Variants in SULT1C4 observed in about 807,000 individuals in gnomAD.
SULT1C4 encodes sulfotransferase family 1C member 4.
In SULT1C4, 32 loss-of-function variants were observed where a neutral mutation model predicts 34.8. The ratio of observed to expected loss-of-function variants is 0.92; its 90% CI spans 0.69 to 1.23. The LOEUF is 1.23. Ranked by LOEUF, SULT1C4 falls within the 50% of genes most tolerant of loss-of-function variation. The pLI is 0.00. For missense variants in SULT1C4, 375 were observed against 365.9 expected (o/e 1.02, Z -0.20); for synonymous variants, 111 against 120.5 (o/e 0.92, Z 0.51).
chr2:108,386,228 A>T lies in SULT1C4; in HGVS notation c.652A>T (p.Ile218Phe), dbSNP rs1558702942. The T allele has an allele frequency of 5.2e-6, 8 of 1,542,518 alleles. No homozygotes were observed. The highest frequency in any genetic ancestry group is 5.3e-6 in the Non-Finnish European group (6 of 1,142,470). ...KHEIQKLAEF[I>F]GKKLDDKVLD... ...TGAAATTCAGAAGCTGGCAGAATTT[A>T]TTGGGAAGAAATTAGATGACAAAGT... Residue 218 changes from isoleucine (I) to phenylalanine (F), a missense_variant, in exon 6 of 7, where the codon ATT (isoleucine) becomes TTT (phenylalanine). Physicochemically the swap from Ile to Phe is conservative, Grantham distance 21. Coordinates refer to ENST00000272452, the MANE Select transcript of SULT1C4 (RefSeq NM_006588.4).
chr2:108,383,395 GT>G lies in SULT1C4; in HGVS notation c.521-17del, dbSNP rs1282223506. ...TAGGACCTCTGTGACTCATTGTCCTGTTTTCCATCCCATCCTCCAGTGTGCT... is the reference window on the plus strand; with the variant it reads ...TAGGACCTCTGTGACTCATTGTCCTGTTTCCATCCCATCCTCCAGTGTGCT... On this transcript the variant is annotated intron_variant, in intron 4 of 6. Transcript: ENST00000272452. 6.2e-7 allele frequency: 1 copy of G among 1,612,258 alleles called. No homozygotes were observed. Among genetic ancestry groups the G allele is most frequent in the African/African-American group, 1.3e-5 (1 of 74,896 alleles).
chr2:108,383,120 G>A lies in SULT1C4; in HGVS notation c.421G>A (p.Asp141Asn). The A allele has an allele frequency of 1.2e-6, 2 of 1,607,272 alleles. No homozygotes were observed. Among genetic ancestry groups the A allele is most frequent in the Non-Finnish European group, 1.7e-6 (2 of 1,177,244 alleles). ...KIIYVARNPK[D>N]NMVSYYHFQR... ...AATCTATGTAGCAAGAAATCCCAAG[G>A]ACAACATGGTGTCCTATTACCATTT... The change falls in exon 4 of 7, where the codon GAC (aspartate) becomes AAC (asparagine). Residue 141 changes from aspartate (D) to asparagine (N), a missense_variant. Asp to Asn is a conservative substitution (Grantham distance 23). Coordinates refer to ENST00000272452, the MANE Select transcript of SULT1C4 (RefSeq NM_006588.4).
At chr2:108,380,583 A>C (rs1678359945) in intron 1 of SULT1C4, among the ~76,000 whole-genome samples, 1 of 152,214 alleles carries the variant, frequency 6.6e-6, no homozygotes, top group Non-Finnish European at 1.5e-5. Context: ...ATTTTGCCAG[A>C]ACATCTGGTG....
chr2:108,387,313 A>G lies in SULT1C4; in HGVS notation c.797-7A>G, dbSNP rs1312825391. 3 of 1,607,828 alleles carry G rather than the reference A, an allele frequency of 1.9e-6. No individual in the cohort carries two copies. Among genetic ancestry groups the G allele is most frequent in the East Asian group, 4.5e-5 (2 of 44,794 alleles). On this transcript the variant is annotated splice_polypyrimidine_tract_variant and splice_region_variant and intron_variant, in intron 6 of 6. Coordinates refer to ENST00000272452, the MANE Select transcript of SULT1C4 (RefSeq NM_006588.4). ...TACTGAACCTCTCCCACATAACTGTATTTCAGGGGCAGTGGGAGACTGGAA... is the reference window on the plus strand; with the variant it reads ...TACTGAACCTCTCCCACATAACTGTGTTTCAGGGGCAGTGGGAGACTGGAA...
Position 108,382,902 on chromosome 2 carries a change from CAAAAAAAAAAAAAAAAA to C in SULT1C4, c.394-178_394-162del, listed in dbSNP as rs60764322. The C allele has an allele frequency of 6.4e-5, 5 of 77,648 alleles. 1 individual carries two copies. The highest frequency in any genetic ancestry group is 1.1e-4 in the Non-Finnish European group (5 of 45,188). The allele number at this position is 77,648 out of a possible 1,614,324, so 4.8% of individuals were successfully genotyped here. Reference sequence around the variant, plus strand: ...TGGGTGACAGAGCAAGACTCCATCTCAAAAAAAAAAAAAAAAAAAAAAAAAAAAAGTCTCCCATAACC... The same window carrying C: ...TGGGTGACAGAGCAAGACTCCATCTCAAAAAAAAAAAAGTCTCCCATAACC... On this transcript the variant is annotated intron_variant, in intron 3 of 6. Coordinates refer to ENST00000272452, the MANE Select transcript of SULT1C4 (RefSeq NM_006588.4).
rs952858086 is a variant in SULT1C4, at chr2:108,388,714, C to T, written c.*1282C>T. On this transcript the variant is annotated 3_prime_UTR_variant, in exon 7 of 7. Coordinates refer to ENST00000272452, the MANE Select transcript of SULT1C4 (RefSeq NM_006588.4). The stretch of plus-strand genomic sequence containing the variant: ...GCCTTCACACTTCCAGCTTCACCTT[C>T]CAAACCACCTCCATATTCCAGCAAA... Among the ~76,000 whole-genome samples the T allele has an allele frequency of 6.6e-6, 1 of 152,318 alleles. No individual in the cohort carries two copies. Among genetic ancestry groups the T allele is most frequent in the Admixed American group, 6.5e-5 (1 of 15,296 alleles).
chr2:108,383,086 T>G lies in SULT1C4; in HGVS notation c.394-7T>G. The G allele has an allele frequency of 6.4e-7, 1 of 1,566,000 alleles. No homozygotes were observed. On this transcript the variant is annotated splice_polypyrimidine_tract_variant and splice_region_variant and intron_variant, in intron 3 of 6. Transcript: ENST00000272452. ...TTCTTCCCTTCCCCTCCCCTCATCA[T>G]TCCCAGATAATCTATGTAGCAAGAA...
chr2:108,383,842 T>C (rs779136437), intron 5 of SULT1C4, among the ~76,000 whole-genome samples: 8 of 150,348 alleles, frequency 5.3e-5, no homozygotes, highest in Non-Finnish European at 1.2e-4. Flanking sequence ...TTTTGGTTTC[T>C]TTGGTTTTTG....
chr2:108,379,138 T>C (rs367556056), intron 1 of SULT1C4, among the ~76,000 whole-genome samples: 3 of 152,196 alleles, frequency 2.0e-5, no homozygotes, highest in African/African-American at 7.2e-5. Flanking sequence ...TTTTTGCATA[T>C]CTACATATCT....
chr2:108,382,931 AGTC>A, intron 3 of SULT1C4, 159 bp from the exon 4 acceptor site: 7 of 323,178 alleles, frequency 2.2e-5, no homozygotes, highest in Non-Finnish European at 2.6e-5. Context: ...AAAAAAAAAA[AGTC>A]TCCCATAACC....
intron 5 of SULT1C4, among the ~76,000 whole-genome samples, chr2:108,384,524 G>A (rs1269979693): frequency 6.6e-6 from 1 of 152,198 alleles, no homozygotes; most frequent in East Asian, 1.9e-4. Context: ...ACCACGCCCA[G>A]CCAATAGCTT....
chr2:108,383,905 G>C (rs1316345093), intron 5 of SULT1C4, among the ~76,000 whole-genome samples: 1 of 148,788 alleles, frequency 6.7e-6, no homozygotes, highest in Non-Finnish European at 1.5e-5. Context: ...GTTTCACTCT[G>C]TCGCCCAGAC....
intron 1 of SULT1C4, among the ~76,000 whole-genome samples, chr2:108,379,241 A>G (rs2104339352): frequency 6.6e-6 from 1 of 152,306 alleles, no homozygotes; most frequent in South Asian, 2.1e-4. Flanking sequence ...ATACACACAC[A>G]AACACACACA....
chr2:108,378,555 T>C (rs1182174551), intron 1 of SULT1C4, 49 bp downstream of exon 1: 1 of 1,581,724 alleles, frequency 6.3e-7, no homozygotes, highest in Non-Finnish European at 8.6e-7. Context: ...GTTAGGAAGG[T>C]AAGTGGAAGT....
In SULT1C4 at chr2:108,386,265, T is replaced by A. The variant is rs1167293080; in HGVS notation, c.689T>A (p.Ile230Asn). ...KKLDDKVLDK[I>N]VHYTSFDVMK... Reference sequence around the variant, plus strand: ...TTAGATGACAAAGTTCTAGATAAAATTGTCCATTACACTTCGTTTGATGTC... The same window carrying A: ...TTAGATGACAAAGTTCTAGATAAAAATGTCCATTACACTTCGTTTGATGTC... Residue 230 changes from isoleucine to asparagine, a missense_variant, in exon 6 of 7, where the codon ATT becomes AAT. By Grantham distance (149) the Ile-to-Asn change is moderately radical. Coordinates refer to ENST00000272452, the MANE Select transcript of SULT1C4 (RefSeq NM_006588.4). 2.5e-6 allele frequency: 4 copies of A among 1,577,494 alleles called. No individual in the cohort carries two copies. The highest frequency in any genetic ancestry group is 1.2e-5 in the South Asian group (1 of 83,092).
Position 108,387,567 on chromosome 2 carries a change from T to C in SULT1C4, c.*135T>C, listed in dbSNP as rs1678600698. On this transcript the variant is annotated 3_prime_UTR_variant, in exon 7 of 7. Transcript: ENST00000272452. ...TTACTGTGTTTGCTCTTATTCACTC[T>C]ACTAAAAAATTATTTTAAAAGGCTG... 2 of 653,594 alleles carry C rather than the reference T, an allele frequency of 3.1e-6. No individual in the cohort carries two copies. The highest frequency in any genetic ancestry group is 5.0e-6 in the Non-Finnish European group (2 of 398,332). The allele number at this position is 653,594 out of a possible 1,614,324, so 40.5% of individuals were successfully genotyped here.
chr2:108,384,289 G>A (rs946100296), intron 5 of SULT1C4, among the ~76,000 whole-genome samples: 1 of 151,598 alleles, frequency 6.6e-6, no homozygotes, highest in Non-Finnish European at 1.5e-5. Context: ...GAGTGCAGTG[G>A]CGCGATCTCT....
chr2:108,383,329 A>G, intron 4 of SULT1C4, 87 bp from the exon 5 acceptor site: 2 of 1,587,616 alleles, frequency 1.3e-6, no homozygotes, highest in Non-Finnish European at 1.7e-6. Flanking sequence ...TTAATGGAAC[A>G]TTCTCACTTC....
At chr2:108,380,807 A>C (rs1678367723) in intron 1 of SULT1C4, among the ~76,000 whole-genome samples, 1 of 152,158 alleles carries the variant, frequency 6.6e-6, no homozygotes, top group African/African-American at 2.4e-5. Flanking sequence ...AGCAGCCACC[A>C]CCTCAGGAAG....
Sources: allele counts gnomAD v4.1 joint callset (sites outside exome capture counted in the v4.1 genomes callset), GRCh38; gene constraint gnomAD v4.1.1; transcripts MANE v1.5; gene names NCBI Gene and HGNC (gene_info 2026-07-23, HGNC 2026-07-21).